The following AFF3 variants were observed in gnomAD, a reference collection of about 807,000 sequenced individuals.
AFF3 encodes the protein AF4/FMR2 family member 3.
Under a neutral mutation model 129.7 loss-of-function variants are expected in AFF3, and 32 were observed. That is an observed-to-expected ratio of 0.25 (90% confidence interval 0.19 to 0.33). AFF3 has a LOEUF of 0.33. AFF3 is among the 10% of genes least tolerant of loss of function. The probability of loss-of-function intolerance (pLI) is 1.00; values close to 1 mark genes in which losing one functional copy is unlikely to be tolerated. For missense variants in AFF3, 1,373 were observed against 1,592.0 expected, an observed-to-expected ratio of 0.86 and a Z score of 2.34; for synonymous variants, 644 against 635.4, an observed-to-expected ratio of 1.01 and a Z score of -0.20.
intron 10 of AFF3, among the ~76,000 whole-genome samples, chr2:99,730,037 G>A (rs977997101): frequency 5.9e-5 from 9 of 152,128 alleles, no homozygotes; most frequent in Admixed American, 5.9e-4. Flanking sequence ...TAAAATCTAT[G>A]TATCTATGTG....
chr2:100,094,674 A>T (rs1487962127), intron 4 of AFF3, among the ~76,000 whole-genome samples: 1 of 138,816 alleles, frequency 7.2e-6, no homozygotes, highest in Non-Finnish European at 1.6e-5. Context: ...GATGTTTCAG[A>T]AAGTGGAAGG....
At chr2:99,722,051 T>C (rs1678938174) in intron 11 of AFF3, among the ~76,000 whole-genome samples, 1 of 152,228 alleles carries the variant, frequency 6.6e-6, no homozygotes, top group African/African-American at 2.4e-5. Flanking sequence ...TATGCTTCAT[T>C]TATTTCAAAT....
chr2:100,011,294 C>T (rs1484543532), intron 4 of AFF3, among the ~76,000 whole-genome samples: 3 of 152,100 alleles, frequency 2.0e-5, no homozygotes, highest in East Asian at 1.9e-4. Flanking sequence ...AAAGCTTGCA[C>T]AGCATGCATC....
intron 9 of AFF3, among the ~76,000 whole-genome samples, chr2:99,750,579 C>T (rs1681561261): frequency 1.3e-5 from 2 of 151,902 alleles, no homozygotes; most frequent in Non-Finnish European, 2.9e-5. Context: ...CCATGCCTGG[C>T]TAATTTTTTC....
chr2:99,795,225 A>C (rs891982980), intron 8 of AFF3, among the ~76,000 whole-genome samples: 5 of 152,152 alleles, frequency 3.3e-5, no homozygotes, highest in Non-Finnish European at 5.9e-5. Flanking sequence ...AAAGAATGAA[A>C]TCATGTCTTT....
chr2:99,622,387 T>C (rs1462771761), intron 13 of AFF3, among the ~76,000 whole-genome samples: 1 of 152,218 alleles, frequency 6.6e-6, no homozygotes, highest in Non-Finnish European at 1.5e-5. Flanking sequence ...AAGCCAGGCC[T>C]TTGTTTCTTT....
At chr2:99,798,864 C>T (rs935522969) in intron 8 of AFF3, among the ~76,000 whole-genome samples, 2 of 151,904 alleles carry the variant, frequency 1.3e-5, no homozygotes, top group African/African-American at 4.8e-5. Flanking sequence ...TTTCAGTATC[C>T]TGCCCTAGTA....
intron 4 of AFF3, among the ~76,000 whole-genome samples, chr2:100,082,526 G>C (rs2666321): frequency 2.0e-5 from 3 of 152,164 alleles, no homozygotes; most frequent in African/African-American, 4.8e-5. Flanking sequence ...CTCTTGGTGT[G>C]TAGCCAGACT....
Position 99,604,014 on chromosome 2 carries a change from T to C in AFF3, c.1185-2393A>G, listed in dbSNP as rs573052957. ...GGTTGTGGAGAAAAAGGAACCCTTA[T>C]ACACTGGTAGAAGTGTAAATTAGTT... On this transcript the variant is annotated intron_variant, in intron 13 of 24. Transcript: ENST00000672756. Among the ~76,000 whole-genome samples the C allele has an allele frequency of 3.3e-5, 5 of 152,300 alleles. No homozygotes were observed. The South Asian group carries it at 8.3e-4, about 25-fold the overall frequency.
chr2:99,601,714 G>C (rs1679859276), intron 13 of AFF3, 93 bp from the exon 14 acceptor site: 2 of 1,431,296 alleles, frequency 1.4e-6, no homozygotes, highest in South Asian at 1.4e-5. Flanking sequence ...ACCCTAAAGA[G>C]GGAGGAGGCA....
At chr2:99,830,028 A>C (rs567943047) in intron 8 of AFF3, among the ~76,000 whole-genome samples, 287 of 152,302 alleles carry the variant, frequency 1.9e-3, no homozygotes, top group Non-Finnish European at 3.3e-3. Flanking sequence ...AAGAACAGAA[A>C]ACCAAACACT....
chr2:99,674,851 C>T (rs1275280201), intron 11 of AFF3, among the ~76,000 whole-genome samples: 2 of 152,184 alleles, frequency 1.3e-5, no homozygotes, highest in Admixed American at 1.3e-4. Flanking sequence ...CCTGGCATGG[C>T]TGAAAGTCAC....
At chr2:99,754,440 C>T (rs1457745346) in intron 8 of AFF3, among the ~76,000 whole-genome samples, 2 of 152,158 alleles carry the variant, frequency 1.3e-5, no homozygotes, top group Admixed American at 1.3e-4. Context: ...TTACACATAC[C>T]ACCCCGGTAT....
intron 7 of AFF3, among the ~76,000 whole-genome samples, chr2:99,911,318 G>A (rs553055247): frequency 7.6e-4 from 116 of 152,146 alleles, no homozygotes; most frequent in African/African-American, 2.7e-3. Context: ...AACCCAGAAG[G>A]TGGAGGTTGC....
At chr2:99,737,579 A>G (rs1680359945) in intron 10 of AFF3, among the ~76,000 whole-genome samples, 1 of 151,802 alleles carries the variant, frequency 6.6e-6, no homozygotes. Context: ...GTTGTTGAAG[A>G]TATTAAAGGG....
intron 18 of AFF3, among the ~76,000 whole-genome samples, chr2:99,571,361 T>C (rs575357104): frequency 7.6e-4 from 116 of 152,336 alleles, no homozygotes; most frequent in African/African-American, 2.7e-3. Flanking sequence ...TAAAGGATTA[T>C]CTTGGTAATA....
intron 15 of AFF3, among the ~76,000 whole-genome samples, chr2:99,589,207 T>A (rs1292169203): frequency 6.6e-6 from 1 of 152,062 alleles, no homozygotes; most frequent in African/African-American, 2.4e-5. Context: ...CATTCCCAGA[T>A]GATTAACTGA....
Position 99,633,909 on chromosome 2 carries a change from C to CTTTTT in AFF3, c.1184+15712_1184+15716dup, listed in dbSNP as rs139661861. On this transcript the variant is annotated intron_variant, in intron 13 of 24. Coordinates refer to ENST00000672756, the MANE Select transcript of AFF3 (RefSeq NM_001386135.1). ...CCAAATAAACCTCTTTTCTTCCTTC[C>CTTTTT]TTTTTTTTTTTTTTTTTTTTTTTGA... Among the ~76,000 whole-genome samples, 139 of 116,420 alleles carry CTTTTT rather than the reference C, an allele frequency of 1.2e-3. 2 individuals carry two copies. Among genetic ancestry groups the CTTTTT allele is most frequent in the African/African-American group, 3.8e-3 (108 of 28,276 alleles). 76.4% of individuals were successfully genotyped at this position (116,420 alleles called of 152,430 possible). A position where few individuals can be genotyped will look rare whatever the true frequency, so the allele number is the denominator to read the frequency against.
At chr2:99,908,999 A>G (rs1465354310) in intron 7 of AFF3, among the ~76,000 whole-genome samples, 2 of 152,178 alleles carry the variant, frequency 1.3e-5, no homozygotes, top group African/African-American at 4.8e-5. Flanking sequence ...ATATACCCAA[A>G]GGATTATAAA....
Sources: gnomAD v4.1 joint callset for allele counts (sites outside exome capture counted in the v4.1 genomes callset) on GRCh38, gnomAD v4.1.1 for gene constraint, MANE v1.5 for transcripts, NCBI Gene and HGNC (gene_info 2026-07-23, HGNC 2026-07-21) for gene names.